Variants in PPARGC1A observed in about 807,000 individuals in gnomAD.
The protein encoded by PPARGC1A is PPARG coactivator 1 alpha.
A neutral mutation model predicts 88.7 loss-of-function variants in PPARGC1A; 25 were observed. That is an observed-to-expected ratio of 0.28 (90% confidence interval 0.21 to 0.39). PPARGC1A has a LOEUF of 0.39. PPARGC1A is among the 10% of genes least tolerant of loss of function. The probability of loss-of-function intolerance (pLI) is 1.00; values close to 1 mark genes in which losing one functional copy is unlikely to be tolerated. For missense variants in PPARGC1A, 880 were observed against 968.7 expected (o/e 0.91, Z 1.22); for synonymous variants, 363 against 355.6 (o/e 1.02, Z -0.24).
At chr4:24,100,437 T>C in the PPARGC1A span, among the ~76,000 whole-genome samples, 1 of 152,162 alleles carries the variant, frequency 6.6e-6, no homozygotes, top group Non-Finnish European at 1.5e-5. Context: ...TTTAGAGGCA[T>C]GATCCAGTAG....
the PPARGC1A span, among the ~76,000 whole-genome samples, chr4:24,105,308 C>G: frequency 6.6e-6 from 1 of 152,180 alleles, no homozygotes; most frequent in East Asian, 1.9e-4. Context: ...CTTGAAAAAG[C>G]AAACCTTCTA....
the PPARGC1A span, among the ~76,000 whole-genome samples, chr4:24,437,628 T>G: frequency 6.6e-6 from 1 of 151,616 alleles, no homozygotes; most frequent in African/African-American, 2.4e-5. Flanking sequence ...GTTGTTGTTG[T>G]TGTTGTTGTT....
chr4:24,365,904 C>G, the PPARGC1A span, among the ~76,000 whole-genome samples: 1 of 152,102 alleles, frequency 6.6e-6, no homozygotes, highest in Non-Finnish European at 1.5e-5. Flanking sequence ...TTGACAGCTT[C>G]AAAATTAGAG....
chr4:23,998,310 G>T, the PPARGC1A span, among the ~76,000 whole-genome samples: 1 of 152,052 alleles, frequency 6.6e-6, no homozygotes, highest in East Asian at 1.9e-4. Flanking sequence ...GTCTTTTTAA[G>T]ATTTATGTAA....
the PPARGC1A span, among the ~76,000 whole-genome samples, chr4:23,915,193 T>A: frequency 3.3e-5 from 5 of 152,170 alleles, no homozygotes; most frequent in African/African-American, 9.7e-5. Flanking sequence ...GATTTTTGGT[T>A]ACATTAAAAG....
chr4:24,028,298 A>C, the PPARGC1A span, among the ~76,000 whole-genome samples: 1 of 152,220 alleles, frequency 6.6e-6, no homozygotes, highest in South Asian at 2.1e-4. Context: ...TTTCTGAAAA[A>C]CATGACAGTT....
intron 1 of PPARGC1A, among the ~76,000 whole-genome samples, chr4:23,897,362 G>C (rs181867135): frequency 4.5e-4 from 68 of 152,312 alleles, no homozygotes; most frequent in Non-Finnish European, 6.3e-4. Flanking sequence ...TGAAAGGAAA[G>C]TGCATGGTAA....
the PPARGC1A span, among the ~76,000 whole-genome samples, chr4:24,430,634 G>T: frequency 2.0e-5 from 3 of 152,070 alleles, no homozygotes; most frequent in Non-Finnish European, 4.4e-5. Context: ...CCTGCTATGG[G>T]CCACAGGGAG....
the PPARGC1A span, among the ~76,000 whole-genome samples, chr4:24,468,776 T>C: frequency 6.6e-6 from 1 of 152,124 alleles, no homozygotes; most frequent in Admixed American, 6.5e-5. Context: ...TTCATTATTT[T>C]TTTTTTACTT....
chr4:24,429,246 T>A, the PPARGC1A span, among the ~76,000 whole-genome samples: 10 of 151,798 alleles, frequency 6.6e-5, no homozygotes, highest in East Asian at 9.7e-4. Context: ...TTGCTCACAC[T>A]CTCTCTCTCT....
At chr4:24,305,605 G>A in the PPARGC1A span, among the ~76,000 whole-genome samples, 1 of 152,174 alleles carries the variant, frequency 6.6e-6, no homozygotes, top group Non-Finnish European at 1.5e-5. Context: ...CTGAAGTTGG[G>A]AGTTCGAGAC....
At chr4:23,978,584 C>A in the PPARGC1A span, among the ~76,000 whole-genome samples, 1 of 152,104 alleles carries the variant, frequency 6.6e-6, no homozygotes, top group Non-Finnish European at 1.5e-5. Flanking sequence ...CAGGTTATAA[C>A]CCTATTTGAT....
the PPARGC1A span, among the ~76,000 whole-genome samples, chr4:24,208,891 C>A: frequency 6.6e-6 from 1 of 152,004 alleles, no homozygotes; most frequent in African/African-American, 2.4e-5. Context: ...GCTTTATCAG[C>A]ACTTTGTGAT....
At chr4:24,050,144 G>A in the PPARGC1A span, among the ~76,000 whole-genome samples, 11 of 151,134 alleles carry the variant, frequency 7.3e-5, no homozygotes, top group Non-Finnish European at 5.9e-5. Context: ...TGACTTATAC[G>A]GCTAGAGTTT....
chr4:23,971,071 A>G, the PPARGC1A span, among the ~76,000 whole-genome samples: 7 of 152,106 alleles, frequency 4.6e-5, 1 homozygote, highest in Non-Finnish European at 1.0e-4. Context: ...AGAGGGCTCC[A>G]CGCTCCAATT....
chr4:23,806,485 T>C (rs1478981131), intron 10 of PPARGC1A, among the ~76,000 whole-genome samples: 1 of 152,198 alleles, frequency 6.6e-6, no homozygotes, highest in Non-Finnish European at 1.5e-5. Flanking sequence ...CATTTTCAAC[T>C]TCTTAAAGGC....
the PPARGC1A span, among the ~76,000 whole-genome samples, chr4:24,035,675 G>T: frequency 6.6e-6 from 1 of 152,194 alleles, no homozygotes; most frequent in African/African-American, 2.4e-5. Flanking sequence ...GTAGCATGAT[G>T]GTACACAGGC....
At chr4:24,404,310 G>T in the PPARGC1A span, among the ~76,000 whole-genome samples, 1 of 151,354 alleles carries the variant, frequency 6.6e-6, no homozygotes, top group East Asian at 1.9e-4. Context: ...TAAAACAAAG[G>T]GTGGCTGAGA....
the PPARGC1A span, among the ~76,000 whole-genome samples, chr4:23,915,268 A>C: frequency 6.6e-6 from 1 of 152,218 alleles, no homozygotes; most frequent in East Asian, 1.9e-4. Context: ...AAATCCACTT[A>C]AAATGAACAG....
Sources: gnomAD v4.1 joint callset for allele counts (sites outside exome capture counted in the v4.1 genomes callset) on GRCh38, gnomAD v4.1.1 for gene constraint, MANE v1.5 for transcripts, NCBI Gene and HGNC (gene_info 2026-07-23, HGNC 2026-07-21) for gene names.